Variants in ACYP2 observed in about 807,000 individuals in gnomAD.
The protein encoded by ACYP2 is acylphosphatase-2.
A neutral mutation model predicts 11.2 loss-of-function variants in ACYP2; 12 were observed. The observed-to-expected ratio is 1.08, with a 90% CI of 0.69 to 1.74. ACYP2 has a LOEUF of 1.74. Ranked by LOEUF, ACYP2 falls within the 40% of genes most tolerant of loss-of-function variation. ACYP2 has a pLI of 0.00. For missense variants in ACYP2, 134 were observed against 101.9 expected, an observed-to-expected ratio of 1.31 and a Z score of -1.35; for synonymous variants, 43 against 32.2, an observed-to-expected ratio of 1.33 and a Z score of -1.13.
intron 4 of ACYP2, among the ~76,000 whole-genome samples, chr2:54,101,171 C>T (rs1273551343): frequency 6.6e-6 from 1 of 152,104 alleles, no homozygotes; most frequent in East Asian, 1.9e-4. Flanking sequence ...TCAGTCCTGG[C>T]CTGTAGGGAA....
intron 6 of ACYP2, among the ~76,000 whole-genome samples, chr2:54,160,418 A>AG (rs993617718): frequency 6.6e-6 from 1 of 152,126 alleles, no homozygotes; most frequent in African/African-American, 2.4e-5. Flanking sequence ...TGAAAGGGAG[A>AG]GGGGGGAGAG....
At chr2:54,269,867 TTAAA>T (rs1446010079) in intron 6 of ACYP2, among the ~76,000 whole-genome samples, 1 of 152,178 alleles carries the variant, frequency 6.6e-6, no homozygotes, top group Non-Finnish European at 1.5e-5. Context: ...ATGAATTATA[TTAAA>T]TAACAAATTT....
At chr2:54,165,137 G>A (rs1213603340) in intron 6 of ACYP2, among the ~76,000 whole-genome samples, 1 of 152,072 alleles carries the variant, frequency 6.6e-6, no homozygotes, top group Non-Finnish European at 1.5e-5. Flanking sequence ...TTGGTTCCAT[G>A]TCTTTGCTAT....
At chr2:54,282,003 A>G (rs1322112698) in intron 6 of ACYP2, among the ~76,000 whole-genome samples, 1 of 152,172 alleles carries the variant, frequency 6.6e-6, no homozygotes, top group Admixed American at 6.5e-5. Flanking sequence ...TTTATATCCT[A>G]TGTTCTTCCA....
At chr2:54,171,877 C>G (rs1477499974) in intron 6 of ACYP2, among the ~76,000 whole-genome samples, 1 of 151,948 alleles carries the variant, frequency 6.6e-6, no homozygotes, top group African/African-American at 2.4e-5. Context: ...TAAAAAGGTG[C>G]CGTTTTCTTT....
intron 6 of ACYP2, among the ~76,000 whole-genome samples, chr2:54,202,058 C>T (rs56785437): frequency 0.031 from 4,677 of 150,842 alleles, 236 homozygotes; most frequent in African/African-American, 0.11. Flanking sequence ...TTTAGGTATT[C>T]GATTCATCTT....
chr2:54,002,236 G>C (rs187269183), intron 2 of ACYP2, among the ~76,000 whole-genome samples: 97 of 152,198 alleles, frequency 6.4e-4, no homozygotes, highest in African/African-American at 2.2e-3. Context: ...TTTCCAGAAT[G>C]TTATACAGCA....
Position 54,182,047 on chromosome 2 carries a change from ATTTTTTTTTTTT to A in ACYP2, c.404+43314_404+43325del, listed in dbSNP as rs35145998. ...AAAGAAAACAGAAAAATAGAAGATA[ATTTTTTTTTTTT>A]TTTTTTTTTTTTTTGGTTGAGACGG... On this transcript the variant is annotated intron_variant, in intron 6 of 6. Transcript: ENST00000607452. Among the ~76,000 whole-genome samples, 7 of 83,068 alleles carry A rather than the reference ATTTTTTTTTTTT, an allele frequency of 8.4e-5. No individual in the cohort carries two copies. The East Asian group carries it at 1.0e-3, about 12-fold the overall frequency. The allele number at this position is 83,068 out of a possible 152,430, so 54.5% of individuals were successfully genotyped here.
At chr2:54,199,266 T>C (rs1357441549) in intron 6 of ACYP2, among the ~76,000 whole-genome samples, 1 of 152,234 alleles carries the variant, frequency 6.6e-6, no homozygotes, top group African/African-American at 2.4e-5. Context: ...TCTGTGCTCA[T>C]GGGACATCGT....
intron 4 of ACYP2, among the ~76,000 whole-genome samples, chr2:54,105,209 G>C (rs1473782212): frequency 2.0e-5 from 3 of 152,114 alleles, no homozygotes; most frequent in Non-Finnish European, 4.4e-5. Context: ...CCACAGCCTG[G>C]CATGACCTTT....
intron 2 of ACYP2, among the ~76,000 whole-genome samples, chr2:54,006,977 T>G (rs1338107791): frequency 2.0e-5 from 3 of 151,322 alleles, no homozygotes; most frequent in African/African-American, 7.3e-5. Context: ...ATACAAAAAT[T>G]AGCCAGGCTT....
chr2:54,100,671 C>T (rs1678845460), intron 4 of ACYP2, among the ~76,000 whole-genome samples: 1 of 151,972 alleles, frequency 6.6e-6, no homozygotes, highest in Non-Finnish European at 1.5e-5. Context: ...TAACTCGTTT[C>T]CTATTTGGTC....
At chr2:54,115,734 C>A (rs1004075976) in intron 4 of ACYP2, 16 of 1,612,964 alleles carry the variant, frequency 9.9e-6, no homozygotes, top group Non-Finnish European at 1.4e-5. Context: ...CCGTGGACTA[C>A]GAGGTGTTCG....
Position 54,201,594 on chromosome 2 carries a change from C to CTTTCTTTCTTTCTTTCTTTCTTTCTT in ACYP2, c.404+62847_404+62848insTTCTTTCTTTCTTTCTTTCTTTCTTT, listed in dbSNP as rs57144917. On this transcript the variant is annotated intron_variant, in intron 6 of 6. Transcript: ENST00000607452. ...ATAGCCAGCTTCTTTTTCTTTCTTT[C>CTTTCTTTCTTTCTTTCTTTCTTTCTT]TCTTTCTTTCTTTCTTTCTTTCTTT... Among the ~76,000 whole-genome samples, 34 of 95,782 alleles carry CTTTCTTTCTTTCTTTCTTTCTTTCTT rather than the reference C, an allele frequency of 3.5e-4. 1 individual carries two copies. Among genetic ancestry groups the CTTTCTTTCTTTCTTTCTTTCTTTCTT allele is most frequent in the African/African-American group, 1.3e-3 (33 of 24,910 alleles). 62.8% of individuals were successfully genotyped at this position (95,782 alleles called of 152,430 possible).
intron 6 of ACYP2, among the ~76,000 whole-genome samples, chr2:54,211,175 T>G (rs982824483): frequency 6.6e-6 from 1 of 151,852 alleles, no homozygotes; most frequent in African/African-American, 2.4e-5. Flanking sequence ...TCATAAAAAT[T>G]AAAACAGAAA....
intron 6 of ACYP2, among the ~76,000 whole-genome samples, chr2:54,201,595 T>TTTC (rs1558608376): frequency 2.9e-5 from 1 of 35,052 alleles, no homozygotes; most frequent in South Asian, 2.3e-3. Flanking sequence ...TCTTTCTTTC[T>TTTC]CTTTCTTTCT....
chr2:54,148,524 T>C (rs1210926277), intron 6 of ACYP2, among the ~76,000 whole-genome samples: 1 of 152,190 alleles, frequency 6.6e-6, no homozygotes, highest in Non-Finnish European at 1.5e-5. Flanking sequence ...GTACATGTTG[T>C]CTCGTGGCAG....
chr2:54,033,880 T>C (rs1674727795), intron 2 of ACYP2, among the ~76,000 whole-genome samples: 1 of 152,232 alleles, frequency 6.6e-6, no homozygotes, highest in South Asian at 2.1e-4. Context: ...AGAGTTGGCT[T>C]CACTTTTCCC....
chr2:54,237,150 TTA>T (rs1686520801), intron 6 of ACYP2, among the ~76,000 whole-genome samples: 1 of 152,238 alleles, frequency 6.6e-6, no homozygotes, highest in Non-Finnish European at 1.5e-5. Context: ...CTATTCTGTC[TTA>T]TGTCAGGGAC....
Sources: gnomAD v4.1 joint callset for allele counts (sites outside exome capture counted in the v4.1 genomes callset) on GRCh38, gnomAD v4.1.1 for gene constraint, MANE v1.5 for transcripts, NCBI Gene and HGNC (gene_info 2026-07-23, HGNC 2026-07-21) for gene names.